The following SOX6 variants were observed in gnomAD, a reference collection of about 807,000 sequenced individuals.
The protein encoded by SOX6 is SRY-box transcription factor 6, also known as transcription factor SOX-6.
Under a neutral mutation model 97.8 loss-of-function variants are expected in SOX6, and 11 were observed. The observed-to-expected ratio is 0.11, with a 90% confidence interval of 0.07 to 0.19. SOX6 has a LOEUF of 0.19. SOX6 is among the 10% of genes least tolerant of loss of function. The pLI, the probability that SOX6 is intolerant of heterozygous loss-of-function variation, is 1.00. For missense variants in SOX6, 810 were observed against 1,039.5 expected (o/e 0.78, Z 3.04); for synonymous variants, 360 against 371.4 (o/e 0.97, Z 0.35).
intron 2 of SOX6, among the ~76,000 whole-genome samples, chr11:16,336,267 T>C (rs1168414049): frequency 2.0e-5 from 3 of 152,018 alleles, no homozygotes; most frequent in African/African-American, 7.2e-5. Flanking sequence ...CTACTAAGAG[T>C]TGCTTCTTAG....
At chr11:16,659,973 A>C (rs1331832165) in intron 3 of SOX6, among the ~76,000 whole-genome samples, 5 of 152,034 alleles carry the variant, frequency 3.3e-5, no homozygotes, top group Non-Finnish European at 7.4e-5. Flanking sequence ...AGTTGGTCCC[A>C]CTTTCATTTT....
chr11:16,281,092 A>T (rs1224632801), intron 3 of SOX6, among the ~76,000 whole-genome samples: 1 of 152,096 alleles, frequency 6.6e-6, no homozygotes, highest in Non-Finnish European at 1.5e-5. Context: ...CGAGAGTTAG[A>T]GTTTTTCTAT....
chr11:16,294,062 GT>G (rs1325489031), intron 3 of SOX6, among the ~76,000 whole-genome samples: 1 of 151,876 alleles, frequency 6.6e-6, no homozygotes, highest in Non-Finnish European at 1.5e-5. Context: ...AATTTTAGAA[GT>G]TTTAGGTAAG....
At chr11:16,070,154 CAAAT>C (rs928746397) in intron 9 of SOX6, among the ~76,000 whole-genome samples, 6 of 151,914 alleles carry the variant, frequency 3.9e-5, no homozygotes, top group Admixed American at 6.6e-5. Context: ...GACTCCATCT[CAAAT>C]AAATAAATAA....
At chr11:16,553,263 G>A (rs557881981) in intron 4 of SOX6, among the ~76,000 whole-genome samples, 1 of 152,306 alleles carries the variant, frequency 6.6e-6, no homozygotes, top group East Asian at 1.9e-4. Context: ...TCCTTGCAGA[G>A]CAGGCTAACT....
chr11:16,540,388 G>A lies in SOX6; in HGVS notation n.610-64000C>T, dbSNP rs542673953. ...CATACTGAATGGGCAAAAACTGGAAGCATTCCCTTTGAAAACTGGCACAAG... is the reference window on the plus strand; with the variant it reads ...CATACTGAATGGGCAAAAACTGGAAACATTCCCTTTGAAAACTGGCACAAG... On this transcript the variant is annotated intron_variant and non_coding_transcript_variant, in intron 4 of 5. Coordinates refer to the SOX6 transcript ENST00000524520. Among the ~76,000 whole-genome samples the A allele has an allele frequency of 8.0e-3, 1,216 of 152,116 alleles. 14 individuals carry two copies. Among genetic ancestry groups the A allele is most frequent in the African/African-American group, 0.028 (1,158 of 41,500 alleles).
chr11:16,194,033 C>T (rs1851704202), intron 4 of SOX6, among the ~76,000 whole-genome samples: 1 of 152,090 alleles, frequency 6.6e-6, no homozygotes, highest in Admixed American at 6.5e-5. Flanking sequence ...AACATAGCAA[C>T]AAAAAGTCAA....
At chr11:16,719,279 G>C (rs1309528357) in intron 2 of SOX6, among the ~76,000 whole-genome samples, 1 of 152,136 alleles carries the variant, frequency 6.6e-6, no homozygotes, top group Admixed American at 6.5e-5. Flanking sequence ...GGAATCATTT[G>C]CGTTGTTATG....
chr11:16,591,422 A>C (rs1325290886), intron 4 of SOX6, among the ~76,000 whole-genome samples: 1 of 152,130 alleles, frequency 6.6e-6, no homozygotes, highest in Non-Finnish European at 1.5e-5. Context: ...AGAAGCAATC[A>C]AACTAACTTA....
At chr11:16,469,898 A>G (rs1271959332) in intron 1 of SOX6, among the ~76,000 whole-genome samples, 1 of 152,140 alleles carries the variant, frequency 6.6e-6, no homozygotes, top group Non-Finnish European at 1.5e-5. Flanking sequence ...CCTTTCAGGT[A>G]TAAATTAGAA....
intron 9 of SOX6, 95 bp downstream of exon 9, chr11:16,095,901 G>A (rs1305045733): frequency 3.7e-6 from 5 of 1,342,048 alleles, no homozygotes; most frequent in Non-Finnish European, 5.2e-6. Flanking sequence ...TTTAGGTTGA[G>A]TGTTTGCCAC....
At chr11:16,434,888 T>C (rs1859344666) in intron 1 of SOX6, among the ~76,000 whole-genome samples, 1 of 152,192 alleles carries the variant, frequency 6.6e-6, no homozygotes, top group African/African-American at 2.4e-5. Context: ...GCCTTGGTCC[T>C]TTTTAATGAT....
chr11:16,591,707 C>T (rs1848155797), intron 4 of SOX6, among the ~76,000 whole-genome samples: 1 of 152,076 alleles, frequency 6.6e-6, no homozygotes, highest in Non-Finnish European at 1.5e-5. Context: ...TATTAAAATG[C>T]TATACCTTTG....
chr11:16,541,819 T>C (rs551481882), intron 4 of SOX6, among the ~76,000 whole-genome samples: 10 of 152,162 alleles, frequency 6.6e-5, no homozygotes, highest in Non-Finnish European at 1.3e-4. Flanking sequence ...AAACAACAGA[T>C]GCTGGAGAGG....
intron 2 of SOX6, among the ~76,000 whole-genome samples, chr11:16,337,766 T>G (rs1195039484): frequency 6.6e-6 from 1 of 152,146 alleles, no homozygotes; most frequent in African/African-American, 2.4e-5. Context: ...ATCTAAAACT[T>G]TTTATCTCAA....
chr11:16,679,653 T>C lies in SOX6; in HGVS notation n.429+35177A>G, dbSNP rs115104753. On this transcript the variant is annotated intron_variant and non_coding_transcript_variant, in intron 3 of 5. Transcript: ENST00000524520. The stretch of plus-strand genomic sequence containing the variant: ...CAGAAGTAGGCTTCTAGAAGGTTGG[T>C]AATAACAAACTTCTCTGAGCTTAAG... Among the ~76,000 whole-genome samples, 717 of 152,220 alleles carry C rather than the reference T, an allele frequency of 4.7e-3. 6 individuals carry two copies. The highest frequency in any genetic ancestry group is 0.017 in the African/African-American group (693 of 41,540).
intron 1 of SOX6, among the ~76,000 whole-genome samples, chr11:16,379,488 A>T (rs1431142400): frequency 6.6e-6 from 1 of 152,152 alleles, no homozygotes; most frequent in Admixed American, 6.5e-5. Flanking sequence ...AAAAAATGCA[A>T]ATAAATAAAG....
Position 16,264,493 on chromosome 11 carries a change from G to T in SOX6, c.446-29822C>A, listed in dbSNP as rs530651973. 5 of 152,054 alleles carry T rather than the reference G, an allele frequency of 3.3e-5. No homozygotes were observed. The East Asian group carries it at 9.7e-4, about 29-fold the overall frequency. 9.4% of individuals were successfully genotyped at this position (152,054 alleles called of 1,614,324 possible). A position where few individuals can be genotyped will look rare whatever the true frequency, so the allele number is the denominator to read the frequency against. On this transcript the variant is annotated intron_variant, in intron 3 of 15. Transcript: ENST00000683767. ...TTTAATCACTCTCCTATATGCATATGTAGGTTGTTTGCAATTACAAATAAT... is the reference window on the plus strand; with the variant it reads ...TTTAATCACTCTCCTATATGCATATTTAGGTTGTTTGCAATTACAAATAAT...
chr11:16,292,588 C>A (rs1022313204), intron 3 of SOX6, among the ~76,000 whole-genome samples: 1 of 152,070 alleles, frequency 6.6e-6, no homozygotes, highest in African/African-American at 2.4e-5. Flanking sequence ...TGGCAGCTGG[C>A]AGAACAGCTG....
Sources: allele counts gnomAD v4.1 joint callset (sites outside exome capture counted in the v4.1 genomes callset), GRCh38; gene constraint gnomAD v4.1.1; transcripts MANE v1.5; gene names NCBI Gene and HGNC (gene_info 2026-07-23, HGNC 2026-07-21).